CSNK2A1: variants seen among roughly 807,000 people sequenced by gnomAD.
CSNK2A1 encodes casein kinase 2 alpha 1.
In CSNK2A1, 10 loss-of-function variants were observed where a neutral mutation model predicts 62.9. That is an observed-to-expected ratio of 0.16 (90% CI 0.10 to 0.27). CSNK2A1 has a LOEUF of 0.27. Among genes scored for constraint, CSNK2A1 ranks in the 10% least tolerant of loss-of-function variants. CSNK2A1 has a pLI of 1.00. For missense variants in CSNK2A1, 160 were observed against 492.0 expected (o/e 0.33, Z 6.38); for synonymous variants, 124 against 167.8 (o/e 0.74, Z 2.02).
chr20:529,942 C>T lies in CSNK2A1; in HGVS notation c.-226-1893G>A, dbSNP rs145004606. Among the ~76,000 whole-genome samples the T allele has an allele frequency of 4.5e-4, 68 of 152,256 alleles. No individual in the cohort carries two copies. In the South Asian group the frequency reaches 7.7e-3, roughly 17 times the overall value. On this transcript the variant is annotated intron_variant, in intron 1 of 13. Coordinates refer to ENST00000217244, the MANE Select transcript of CSNK2A1 (RefSeq NM_177559.3). ...ACAGATGGCTGGGAACAGGACTACT[C>T]TGTGTGTATATCTCCTATTTGGCTC...
intron 1 of CSNK2A1, among the ~76,000 whole-genome samples, chr20:534,456 A>C (rs956104721): frequency 6.6e-6 from 1 of 152,204 alleles, no homozygotes; most frequent in African/African-American, 2.4e-5. Flanking sequence ...AAATGATGGA[A>C]AAGCTTTTCT....
intron 1 of CSNK2A1, among the ~76,000 whole-genome samples, chr20:536,863 T>G (rs2019342402): frequency 6.6e-6 from 1 of 152,144 alleles, no homozygotes; most frequent in South Asian, 2.1e-4. Context: ...TGGCAGGCGC[T>G]CAGGATCTGC....
At chr20:492,488 C>T in intron 8 of CSNK2A1, 124 bp from the exon 9 acceptor site, 1 of 814,308 alleles carries the variant, frequency 1.2e-6, no homozygotes, top group Non-Finnish European at 1.9e-6. Context: ...CCACTGACTA[C>T]TTATAGCCTT....
At chr20:491,045 T>C (rs893945364) in intron 9 of CSNK2A1, among the ~76,000 whole-genome samples, 3 of 152,188 alleles carry the variant, frequency 2.0e-5, no homozygotes, top group South Asian at 2.1e-4. Context: ...TTAGTAATAC[T>C]GTAAAAACTA....
chr20:505,308 G>T (rs2018551263), intron 3 of CSNK2A1, 79 bp from the exon 4 acceptor site: 1 of 883,156 alleles, frequency 1.1e-6, no homozygotes, highest in Non-Finnish European at 1.8e-6. Context: ...ATTACCAGCA[G>T]CTGTAATAGA....
At chr20:489,551 A>T in intron 10 of CSNK2A1, 2 of 429,512 alleles carry the variant, frequency 4.7e-6, no homozygotes, top group Non-Finnish European at 8.2e-6. Context: ...CTATTTTAAA[A>T]ATCTGGATGA....
intron 11 of CSNK2A1, chr20:487,953 GA>G (rs1047172701): frequency 3.6e-4 from 99 of 276,822 alleles, no homozygotes; most frequent in Admixed American, 2.6e-3. Context: ...TTTGCATCAG[GA>G]AAGTCCATCT....
chr20:543,757 C>T lies in CSNK2A1; in HGVS notation c.-312G>A, dbSNP rs952590113. 2.0e-5 allele frequency: 8 copies of T among 398,348 alleles called. No homozygotes were observed. The highest frequency in any genetic ancestry group is 4.1e-5 in the African/African-American group (2 of 48,632). The allele number at this position is 398,348 out of a possible 1,614,324, so 24.7% of individuals were successfully genotyped here. A position where few individuals can be genotyped will look rare whatever the true frequency, so the allele number is the denominator to read the frequency against. Reference sequence around the variant, plus strand: ...CGGCGATGGAGGAGGAGACACACGGCTCGGCCGCCAGCCGCAGGGACCAGA... The same window carrying T: ...CGGCGATGGAGGAGGAGACACACGGTTCGGCCGCCAGCCGCAGGGACCAGA... On this transcript the variant is annotated 5_prime_UTR_variant, in exon 1 of 14. Transcript: ENST00000217244.
At chr20:509,709 G>A (rs899965428) in intron 2 of CSNK2A1, among the ~76,000 whole-genome samples, 4 of 152,174 alleles carry the variant, frequency 2.6e-5, no homozygotes, top group East Asian at 3.9e-4. Flanking sequence ...CCAGGTAGCT[G>A]AGACTACAGG....
chr20:537,385 G>A (rs924875656), intron 1 of CSNK2A1, among the ~76,000 whole-genome samples: 1 of 151,922 alleles, frequency 6.6e-6, no homozygotes, highest in African/African-American at 2.4e-5. Context: ...AAGACTGAAA[G>A]ACAGAATTTG....
rs545313041 is a variant in CSNK2A1, at chr20:542,875, C to A, written c.-227+797G>T. On this transcript the variant is annotated intron_variant, in intron 1 of 13. Transcript: ENST00000217244. ...CAAAGCAATAGCCAAGATGCAACTT[C>A]TCCTGACCCTGACTCTGCTTCCCCA... Among the ~76,000 whole-genome samples, 3 of 152,376 alleles carry A rather than the reference C, an allele frequency of 2.0e-5. No homozygotes were observed. The South Asian group carries it at 6.2e-4, about 32-fold the overall frequency.
At chr20:525,915 G>A (rs983495123) in intron 2 of CSNK2A1, among the ~76,000 whole-genome samples, 15 of 151,192 alleles carry the variant, frequency 9.9e-5, no homozygotes, top group Non-Finnish European at 1.9e-4. Flanking sequence ...TGAGATGGGA[G>A]GAACACTTGA....
In CSNK2A1 at chr20:499,477, C is replaced by T. The variant is rs184643598; in HGVS notation, c.316-172G>A. ...GCTCTGATCATCACCGCACTTAGGT[C>T]ATTTTTGGGATGGATTTCAAACAGA... On this transcript the variant is annotated intron_variant, in intron 5 of 13. Coordinates refer to ENST00000217244, the MANE Select transcript of CSNK2A1 (RefSeq NM_177559.3). This position sits in a 1 kb window ranked among gnomAD's most constrained non-coding sequence, Gnocchi z 4.2. 1.1e-5 allele frequency: 6 copies of T among 568,298 alleles called. No homozygotes were observed. The highest frequency in any genetic ancestry group is 1.5e-5 in the Non-Finnish European group (5 of 332,300). 35.2% of individuals were successfully genotyped at this position (568,298 alleles called of 1,614,324 possible). A position where few individuals can be genotyped will look rare whatever the true frequency, so the allele number is the denominator to read the frequency against.
At chr20:500,411 A>G (rs1333505190) in intron 4 of CSNK2A1, 2 of 166,734 alleles carry the variant, frequency 1.2e-5, no homozygotes, top group East Asian at 3.4e-4. Context: ...GTAAAGGGTG[A>G]GTCTTGGAGT....
chr20:537,370 T>C (rs1264334945), intron 1 of CSNK2A1, among the ~76,000 whole-genome samples: 1 of 152,206 alleles, frequency 6.6e-6, no homozygotes, highest in Non-Finnish European at 1.5e-5. Context: ...GGTTTTTTAA[T>C]GTCTAAGACT....
intron 2 of CSNK2A1, 35 bp from the exon 3 acceptor site, chr20:508,695 AT>A: frequency 1.4e-6 from 1 of 691,296 alleles, no homozygotes; most frequent in Non-Finnish European, 2.4e-6. Flanking sequence ...CCAAGGAATC[AT>A]TTACAGAAGG....
At chr20:496,008 T>C in intron 7 of CSNK2A1, 1 of 519,584 alleles carries the variant, frequency 1.9e-6, no homozygotes, top group Non-Finnish European at 3.5e-6. Flanking sequence ...AGAGATCTTT[T>C]TCTGACACAG....
chr20:492,940 T>C (rs952234879), intron 8 of CSNK2A1, among the ~76,000 whole-genome samples: 3 of 152,160 alleles, frequency 2.0e-5, no homozygotes, highest in Non-Finnish European at 4.4e-5. Context: ...TTTACCAAAA[T>C]GCATCCTAAA....
intron 13 of CSNK2A1, 58 bp from the exon 14 acceptor site, chr20:484,134 T>G: frequency 7.2e-7 from 1 of 1,380,326 alleles, no homozygotes; most frequent in Non-Finnish European, 9.7e-7. Context: ...TCTTACCAGT[T>G]TCTCATAGCA....
Sources: gnomAD v4.1 joint callset for allele counts (sites outside exome capture counted in the v4.1 genomes callset) on GRCh38, gnomAD v4.1.1 for gene constraint, Gnocchi (gnomAD v3.1) non-coding constraint, MANE v1.5 for transcripts, NCBI Gene and HGNC (gene_info 2026-07-23, HGNC 2026-07-21) for gene names.